ZNF569: variants seen among roughly 807,000 people sequenced by gnomAD.
The protein encoded by ZNF569 is DNA-binding protein.
ZNF569 carries 38 observed loss-of-function variants against 56.3 expected under a neutral mutation model. That is an observed-to-expected ratio of 0.68 (90% confidence interval 0.52 to 0.88). ZNF569 has a LOEUF of 0.88. Ranked by LOEUF, ZNF569 falls within the 40% of genes least tolerant of loss-of-function variation. The pLI is 0.00. For synonymous variants in ZNF569, 241 were observed against 262.9 expected (o/e 0.92, Z 0.81); for missense variants, 666 against 809.2 (o/e 0.82, Z 2.15).
At chr19:37,469,257 C>T (rs1056704068), upstream of ZNF569, 77 of 1,393,456 alleles carry the variant, frequency 5.5e-5, no homozygotes, top group Middle Eastern at 2.6e-4. Context: ...CACTGCGACG[C>T]CGCGACCTTT....
chr19:37,468,469 G>T (rs533036623), upstream of ZNF569, among the ~76,000 whole-genome samples: 1 of 151,938 alleles, frequency 6.6e-6, no homozygotes, highest in Admixed American at 6.6e-5. Flanking sequence ...TGGGCAAAGC[G>T]CACGGATCAT....
At chr19:37,419,976 T>C (rs545193056) in intron 5 of ZNF569, among the ~76,000 whole-genome samples, 4 of 139,874 alleles carry the variant, frequency 2.9e-5, no homozygotes, top group East Asian at 2.1e-4. Flanking sequence ...TTTCTTTTTT[T>C]TTTTTTTTTT....
chr19:37,436,027 A>G (rs770646745), intron 3 of ZNF569, among the ~76,000 whole-genome samples: 2 of 152,202 alleles, frequency 1.3e-5, no homozygotes, highest in Non-Finnish European at 2.9e-5. Context: ...ATTTCATCCA[A>G]TGGCTGCAGA....
upstream of ZNF569, chr19:37,467,923 G>A: frequency 1.3e-6 from 2 of 1,536,082 alleles, no homozygotes; most frequent in Non-Finnish European, 1.7e-6. Flanking sequence ...TGGACTTCTC[G>A]ATTGTGAGTG....
chr19:37,456,236 T>C (rs1039839839), intron 2 of ZNF569, among the ~76,000 whole-genome samples: 2 of 152,176 alleles, frequency 1.3e-5, no homozygotes, highest in African/African-American at 4.8e-5. Flanking sequence ...ATAGTTGGTG[T>C]GGGTTTTTCT....
chr19:37,412,988 T>TTA lies in ZNF569; in HGVS notation c.1668_1669dup (p.Lys557IlefsTer14). 3.7e-6 allele frequency: 6 copies of TTA among 1,613,818 alleles called. No homozygotes were observed. The highest frequency in any genetic ancestry group is 5.1e-6 in the Non-Finnish European group (6 of 1,179,896). ...AAGCAGTGAGCACTGAGAGAAGGCTTTACCACATTTATCACATTCATAAGG... is the reference window on the plus strand; with the variant it reads ...AAGCAGTGAGCACTGAGAGAAGGCTTTATACCACATTTATCACATTCATAAGG... On this transcript the variant is annotated frameshift_variant, in exon 6 of 6. Coordinates refer to ENST00000316950, the MANE Select transcript of ZNF569 (RefSeq NM_152484.3). LOFTEE classifies it high-confidence loss of function.
At chr19:37,426,720 A>G (rs1443251411) in intron 3 of ZNF569, among the ~76,000 whole-genome samples, 1 of 152,222 alleles carries the variant, frequency 6.6e-6, no homozygotes, top group African/African-American at 2.4e-5. Context: ...GGACAGAATG[A>G]TAGGTGAAAT....
intron 2 of ZNF569, among the ~76,000 whole-genome samples, chr19:37,459,512 T>A (rs1348359237): frequency 1.3e-5 from 2 of 152,152 alleles, no homozygotes; most frequent in African/African-American, 2.4e-5. Flanking sequence ...AGACTTTCAT[T>A]TCTAACAAAA....
At chr19:37,440,161 G>C (rs1600323281) in intron 3 of ZNF569, among the ~76,000 whole-genome samples, 1 of 151,816 alleles carries the variant, frequency 6.6e-6, no homozygotes, top group African/African-American at 2.4e-5. Flanking sequence ...CCTCATAAAT[G>C]TATACCTCAT....
intron 2 of ZNF569, among the ~76,000 whole-genome samples, chr19:37,463,587 T>C (rs1320404568): frequency 6.6e-6 from 1 of 152,258 alleles, no homozygotes; most frequent in Non-Finnish European, 1.5e-5. Context: ...GTATTTACTA[T>C]ACTATACTTT....
upstream of ZNF569, chr19:37,467,830 ATGGTCGCGTTTTATATTCTCG>A (rs2041874051): frequency 6.6e-7 from 1 of 1,516,258 alleles, no homozygotes; most frequent in African/African-American, 1.4e-5. Flanking sequence ...TTGTGTGACC[ATGGTCGCGTTTTATATTCTCG>A]TGGCTGTTTG....
intron 5 of ZNF569, among the ~76,000 whole-genome samples, chr19:37,416,514 A>G (rs1185756229): frequency 6.6e-6 from 1 of 152,182 alleles, no homozygotes; most frequent in East Asian, 1.9e-4. Flanking sequence ...CTTACATAAA[A>G]TGATAAAAGT....
At chr19:37,434,084 C>T (rs939743601) in intron 3 of ZNF569, among the ~76,000 whole-genome samples, 3 of 151,978 alleles carry the variant, frequency 2.0e-5, no homozygotes, top group African/African-American at 7.2e-5. Context: ...GGGCAGATCA[C>T]GAGGTCAACA....
chr19:37,420,049 C>T (rs930708991), intron 5 of ZNF569, among the ~76,000 whole-genome samples: 3 of 143,220 alleles, frequency 2.1e-5, no homozygotes, highest in Non-Finnish European at 4.5e-5. Flanking sequence ...TGCAGTGGCT[C>T]GATCTCTGCT....
intron 2 of ZNF569, among the ~76,000 whole-genome samples, chr19:37,464,726 A>G (rs1192515819): frequency 1.3e-5 from 2 of 152,180 alleles, no homozygotes; most frequent in East Asian, 3.9e-4. Flanking sequence ...CTAACCATGC[A>G]TTTTTCAGAA....
rs202186412 is a variant in ZNF569 at position 37,413,948 on chromosome 19, C to T, written c.710G>A (p.Ser237Asn). The T allele has an allele frequency of 1.9e-6, 3 of 1,613,356 alleles. No homozygotes were observed. The highest frequency in any genetic ancestry group is 2.5e-6 in the Non-Finnish European group (3 of 1,179,904). ...ATTACATTTGTAAGACTGCTCCCTACTGTGAATTTTATAATGTTTAATAAG... is the reference window on the plus strand; with the variant it reads ...ATTACATTTGTAAGACTGCTCCCTATTGTGAATTTTATAATGTTTAATAAG... ...EKLIKHYKIH[S>N]REQSYKCNEC... Residue 237 changes from serine to asparagine, a missense_variant, in exon 6 of 6, where the codon AGT becomes AAT. Transcript: ENST00000316950.
At chr19:37,463,031 C>T (rs942419105) in intron 2 of ZNF569, among the ~76,000 whole-genome samples, 2 of 152,146 alleles carry the variant, frequency 1.3e-5, no homozygotes, top group Non-Finnish European at 2.9e-5. Flanking sequence ...CATTGTTCCC[C>T]TTCTCAGTTA....
At chr19:37,417,072 A>G (rs149419242) in intron 5 of ZNF569, among the ~76,000 whole-genome samples, 5 of 152,138 alleles carry the variant, frequency 3.3e-5, no homozygotes, top group Non-Finnish European at 5.9e-5. Context: ...GAGACAAGAG[A>G]CATGGAAGAA....
intron 3 of ZNF569, among the ~76,000 whole-genome samples, chr19:37,427,427 C>T (rs1227004236): frequency 3.3e-5 from 5 of 152,056 alleles, no homozygotes; most frequent in Non-Finnish European, 5.9e-5. Flanking sequence ...AACAGAAATG[C>T]CCAAACGTAT....
Sources: allele counts gnomAD v4.1 joint callset (sites outside exome capture counted in the v4.1 genomes callset), GRCh38; gene constraint gnomAD v4.1.1; transcripts MANE v1.5; gene names NCBI Gene and HGNC (gene_info 2026-07-23, HGNC 2026-07-21).